The following ASH1L variants were observed in gnomAD, a reference collection of about 807,000 sequenced individuals.
ASH1L encodes the protein ASH1 like histone lysine methyltransferase, also known as histone-lysine N-methyltransferase ASH1L.
Under a neutral mutation model 269.0 loss-of-function variants are expected in ASH1L, and 23 were observed. That is an observed-to-expected ratio of 0.09 (90% confidence interval 0.06 to 0.12). The LOEUF (loss-of-function observed/expected upper bound fraction) is 0.12. ASH1L is among the 10% of genes least tolerant of loss of function. The pLI is 1.00. For synonymous variants in ASH1L, 1,187 were observed against 1,253.5 expected (o/e 0.95, Z 1.12); for missense variants, 2,912 against 3,567.8 (o/e 0.82, Z 4.68).
At chr1:155,462,078 G>T (rs561137446) in intron 3 of ASH1L, among the ~76,000 whole-genome samples, 10 of 152,162 alleles carry the variant, frequency 6.6e-5, no homozygotes, top group Non-Finnish European at 1.2e-4. Flanking sequence ...GGGATTATAG[G>T]CATGAGCCAC....
At chr1:155,559,843 C>A (rs1223257065) in intron 1 of ASH1L, among the ~76,000 whole-genome samples, 1 of 152,066 alleles carries the variant, frequency 6.6e-6, no homozygotes, top group Non-Finnish European at 1.5e-5. Flanking sequence ...AAGCTAAACT[C>A]CAAGACAGGA....
chr1:155,395,497 T>C lies in ASH1L; in HGVS notation c.6065A>G (p.Glu2022Gly). Residue 2022 changes from glutamate (E) to glycine (G), a missense_variant, in exon 7 of 28, where the codon GAG becomes GGG. Coordinates refer to ENST00000392403, the MANE Select transcript of ASH1L (RefSeq NM_018489.3). ...KKEKLEYTPG[E>G]HEYGLFPAPI... The stretch of plus-strand genomic sequence containing the variant: ...CGCTGGAAATAATCCATATTCATGC[T>C]CTCCTGGAGTATACTCCAGCTTCTC... 1 of 1,611,662 alleles carries C rather than the reference T, an allele frequency of 6.2e-7. No individual in the cohort carries two copies. The highest frequency in any genetic ancestry group is 8.5e-7 in the Non-Finnish European group (1 of 1,179,166).
chr1:155,351,203 C>T (rs548722526), intron 17 of ASH1L, among the ~76,000 whole-genome samples: 1 of 151,268 alleles, frequency 6.6e-6, no homozygotes, highest in Non-Finnish European at 1.5e-5. Context: ...CAAGATTGTG[C>T]CACTGCACTC....
chr1:155,459,645 C>T, intron 4 of ASH1L, 152 bp downstream of exon 4: 1 of 631,130 alleles, frequency 1.6e-6, no homozygotes, highest in East Asian at 2.9e-5. Context: ...TTCTCAAATA[C>T]CAAGTCTATT....
intron 6 of ASH1L, among the ~76,000 whole-genome samples, chr1:155,411,914 T>G (rs1022316795): frequency 9.9e-5 from 15 of 151,918 alleles, no homozygotes; most frequent in Non-Finnish European, 1.6e-4. Context: ...CATTTCTACA[T>G]GGCTGTCATT....
chr1:155,345,034 G>C (rs1351003250), intron 21 of ASH1L, among the ~76,000 whole-genome samples: 2 of 151,932 alleles, frequency 1.3e-5, no homozygotes, highest in African/African-American at 4.8e-5. Context: ...TCGACCCACT[G>C]CAACTTCCGC....
chr1:155,542,681 A>ATT (rs139373080), intron 1 of ASH1L, among the ~76,000 whole-genome samples: 1 of 127,282 alleles, frequency 7.9e-6, no homozygotes, highest in African/African-American at 2.8e-5. Flanking sequence ...TAATTAATTA[A>ATT]TTTTTTTTTT....
chr1:155,444,752 G>A (rs1417638368), intron 4 of ASH1L, among the ~76,000 whole-genome samples: 1 of 151,348 alleles, frequency 6.6e-6, no homozygotes, highest in African/African-American at 2.5e-5. Flanking sequence ...GAGGAGCTGA[G>A]ATTACAGGTG....
At position 155,357,657 on chromosome 1, in the gene ASH1L, C is replaced by G. The variant is rs141623223; in HGVS notation, c.6888G>C (p.Gln2296His). 1.4e-5 allele frequency: 22 copies of G among 1,614,018 alleles called. No individual in the cohort carries two copies. Among genetic ancestry groups the G allele is most frequent in the Non-Finnish European group, 1.9e-5 (22 of 1,180,030 alleles). Residue 2296 changes from glutamine (Q) to histidine (H), a missense_variant, in exon 14 of 28, where the codon CAG (glutamine) becomes CAC (histidine). Gln to His is a conservative substitution (Grantham distance 24). Transcript: ENST00000392403. Reference sequence around the variant, plus strand: ...CAGATTTTTTGTGTGTGGCCATGGGCTGGCTGTTTTTGCTGCTGGTGAGTC... The same window carrying G: ...CAGATTTTTTGTGTGTGGCCATGGGGTGGCTGTTTTTGCTGCTGGTGAGTC... ...VNGLTSSKNSQPMATHKKSGR... is the reference protein window; with the variant it reads ...VNGLTSSKNSHPMATHKKSGR...
At chr1:155,476,701 G>A (rs1026113995) in intron 3 of ASH1L, among the ~76,000 whole-genome samples, 4 of 151,494 alleles carry the variant, frequency 2.6e-5, no homozygotes, top group Non-Finnish European at 5.9e-5. Context: ...ATAAGCGCCT[G>A]CCACCATGCC....
chr1:155,479,571 G>C lies in ASH1L; in HGVS notation c.3299C>G (p.Ser1100Cys). 1.2e-6 allele frequency: 2 copies of C among 1,614,184 alleles called. No individual in the cohort carries two copies. Among genetic ancestry groups the C allele is most frequent in the Non-Finnish European group, 8.5e-7 (1 of 1,180,032 alleles). The change falls in exon 3 of 28, where the codon TCT (serine) becomes TGT (cysteine). Residue 1100 changes from serine to cysteine, a missense_variant. Transcript: ENST00000392403. The part of the protein sequence containing the change: ...PPLLPSSASS[S>C]EILPSPICSQ... ...GCAAATAGGTGATGGAAGAATCTCA[G>C]AACTACTAGCAGATGAAGGCAGTAA...
intron 16 of ASH1L, among the ~76,000 whole-genome samples, chr1:155,353,637 A>G (rs2148357184): frequency 6.6e-6 from 1 of 152,332 alleles, no homozygotes; most frequent in South Asian, 2.1e-4. Context: ...TGAAGGTTAC[A>G]GAAAGGAAAT....
intron 15 of ASH1L, 40 bp downstream of exon 15, chr1:155,357,275 GT>G (rs1654502991): frequency 2.7e-6 from 4 of 1,498,682 alleles, no homozygotes; most frequent in Non-Finnish European, 3.7e-6. Flanking sequence ...AAGCAATCAT[GT>G]AACTTACAAA....
Position 155,480,311 on chromosome 1 carries a change from T to C in ASH1L, c.2559A>G (p.Lys853=). 6.2e-7 allele frequency: 1 copy of C among 1,614,012 alleles called. No individual in the cohort carries two copies. The highest frequency in any genetic ancestry group is 1.1e-5 in the South Asian group (1 of 91,076). The part of the protein sequence containing the change: ...PKRTLKIPAS[K]VFSLQSKEEQ... Reference sequence around the variant, plus strand: ...CTTCCTTAGACTGTAAAGAAAACACTTTAGAAGCAGGGATTTTTAAAGTCC... The same window carrying C: ...CTTCCTTAGACTGTAAAGAAAACACCTTAGAAGCAGGGATTTTTAAAGTCC... The change falls in exon 3 of 28, where the codon AAA becomes AAG. Residue 853 remains lysine, a synonymous_variant. Coordinates refer to ENST00000392403, the MANE Select transcript of ASH1L (RefSeq NM_018489.3).
intron 4 of ASH1L, among the ~76,000 whole-genome samples, chr1:155,442,335 C>A (rs1157439817): frequency 6.6e-6 from 1 of 151,668 alleles, no homozygotes; most frequent in East Asian, 1.9e-4. Context: ...CGCCTGTAAT[C>A]CCAGCACTTT....
At chr1:155,548,501 C>G (rs1670981244) in intron 1 of ASH1L, among the ~76,000 whole-genome samples, 2 of 152,124 alleles carry the variant, frequency 1.3e-5, no homozygotes, top group Admixed American at 6.6e-5. Flanking sequence ...CCAGCCTAGG[C>G]AACAGAGCCA....
chr1:155,401,568 G>T (rs1203055000), intron 6 of ASH1L, among the ~76,000 whole-genome samples: 1 of 151,828 alleles, frequency 6.6e-6, no homozygotes, highest in East Asian at 1.9e-4. Flanking sequence ...GATCACCAGA[G>T]GTCAGGTCAA....
chr1:155,376,664 C>T (rs1229711018), intron 10 of ASH1L, among the ~76,000 whole-genome samples: 2 of 149,866 alleles, frequency 1.3e-5, no homozygotes, highest in South Asian at 2.1e-4. Context: ...GGCGACAGAG[C>T]GCGACTCTGT....
At chr1:155,547,411 T>C (rs1386926793) in intron 1 of ASH1L, among the ~76,000 whole-genome samples, 1 of 151,884 alleles carries the variant, frequency 6.6e-6, no homozygotes, top group African/African-American at 2.4e-5. Flanking sequence ...AAAGAAAATA[T>C]GGCACATATA....
Sources: allele counts gnomAD v4.1 joint callset (sites outside exome capture counted in the v4.1 genomes callset), GRCh38; gene constraint gnomAD v4.1.1; transcripts MANE v1.5; gene names NCBI Gene and HGNC (gene_info 2026-07-23, HGNC 2026-07-21).